The following LRP2BP variants were observed in gnomAD, a reference collection of about 807,000 sequenced individuals.
The protein encoded by LRP2BP is LRP2 binding protein, also known as LRP2-binding protein.
A neutral mutation model predicts 45.2 loss-of-function variants in LRP2BP; 38 were observed. The observed-to-expected ratio is 0.84, with a 90% CI of 0.65 to 1.10. The LOEUF (loss-of-function observed/expected upper bound fraction) is 1.10, where lower values mean the gene tolerates loss of function less well. Among genes scored for constraint, LRP2BP ranks in the 50% least tolerant of loss-of-function variants. The pLI, the probability that LRP2BP is intolerant of heterozygous loss-of-function variation, is 0.00. For synonymous variants in LRP2BP, 153 were observed against 153.9 expected (o/e 0.99, Z 0.04); for missense variants, 385 against 418.9 (o/e 0.92, Z 0.71).
chr4:185,372,822 G>A (rs1320660174), intron 7 of LRP2BP, 34 bp downstream of exon 7: 4 of 1,519,754 alleles, frequency 2.6e-6, no homozygotes, highest in Non-Finnish European at 3.6e-6. Context: ...GTGATATTCT[G>A]TTACAGCAGC....
rs530100384 is a variant in LRP2BP at position 185,394,962 on chromosome 4, A to G, written c.-205T>C. 1 of 985,476 alleles carries G rather than the reference A, an allele frequency of 1.0e-6. No individual in the cohort carries two copies. Among genetic ancestry groups the G allele is most frequent in the African/African-American group, 1.7e-5 (1 of 57,354 alleles). 61.0% of individuals were successfully genotyped at this position (985,476 alleles called of 1,614,324 possible). A position where few individuals can be genotyped will look rare whatever the true frequency, so the allele number is the denominator to read the frequency against. ...CCTGCTACACGCCTGGTGAAACTCC[A>G]GTTACTTGCCAGTAAGATATTGTCC... On this transcript the variant is annotated 5_prime_UTR_variant, in exon 1 of 9. Transcript: ENST00000505916.
At chr4:185,385,930 A>C (rs1039201466) in intron 1 of LRP2BP, among the ~76,000 whole-genome samples, 1 of 151,366 alleles carries the variant, frequency 6.6e-6, no homozygotes, top group Non-Finnish European at 1.5e-5. Context: ...TAAAGAAATA[A>C]CATCATCTTA....
At chr4:185,384,878 C>G (rs140173407) in intron 1 of LRP2BP, among the ~76,000 whole-genome samples, 2 of 151,756 alleles carry the variant, frequency 1.3e-5, no homozygotes, top group African/African-American at 4.9e-5. Context: ...CTTCCCACTC[C>G]GCCCTGCATC....
chr4:185,377,952 A>G (rs1448701907), intron 2 of LRP2BP, 129 bp downstream of exon 2: 5 of 747,374 alleles, frequency 6.7e-6, no homozygotes. Flanking sequence ...GGGAAAACTC[A>G]AAAGGACTAA....
Position 185,395,213 on chromosome 4 carries a change from A to C in LRP2BP, c.-456T>G, listed in dbSNP as rs187031817. The C allele has an allele frequency of 3.0e-6, 3 of 985,452 alleles. No homozygotes were observed. In the African/African-American group the frequency reaches 5.2e-5, roughly 17 times the overall value. 61.0% of individuals were successfully genotyped at this position (985,452 alleles called of 1,614,324 possible). On this transcript the variant is annotated 5_prime_UTR_variant, in exon 1 of 9. It adds an upstream start codon to the 5' untranslated region. Transcript: ENST00000505916. The stretch of plus-strand genomic sequence containing the variant: ...TTACGTATGTAACAGGAAGTTAAAA[A>C]ATAACTACCACTTAATGCATACTGA...
intron 1 of LRP2BP, among the ~76,000 whole-genome samples, chr4:185,384,545 C>T (rs2095464795): frequency 6.6e-6 from 1 of 151,440 alleles, no homozygotes; most frequent in African/African-American, 2.4e-5. Context: ...TTGGCCTAAT[C>T]CAATGTTGAA....
In LRP2BP at chr4:185,367,039, A is replaced by G; in HGVS notation, c.*141T>C. 1 of 767,162 alleles carries G rather than the reference A, an allele frequency of 1.3e-6. No individual in the cohort carries two copies. The highest frequency in any genetic ancestry group is 2.1e-6 in the Non-Finnish European group (1 of 469,704). 47.5% of individuals were successfully genotyped at this position (767,162 alleles called of 1,614,324 possible). Reference sequence around the variant, plus strand: ...GCAAAACTTAACAGCGTACGAATTCAAGAACGAAGTAACATGTCACCTGTA... The same window carrying G: ...GCAAAACTTAACAGCGTACGAATTCGAGAACGAAGTAACATGTCACCTGTA... On this transcript the variant is annotated 3_prime_UTR_variant, in exon 9 of 9. Coordinates refer to ENST00000505916, the MANE Select transcript of LRP2BP (RefSeq NM_001377440.1).
At position 185,370,661 on chromosome 4, in the gene LRP2BP, G is replaced by A. The variant is rs995973965; in HGVS notation, c.957C>T (p.Thr319=). Residue 319 remains threonine (T), a synonymous_variant, in exon 8 of 9, where the codon ACC becomes ACT. Coordinates refer to ENST00000505916, the MANE Select transcript of LRP2BP (RefSeq NM_001377440.1). ...LGLGITRDET[T]AKHYYSKACR... is the part of the protein sequence containing the mutation. ...TTACTTTAGAATAATAGTGTTTAGC[G>A]GTTGTTTCATCCCTGGTGATGCCCA... 31 of 1,613,844 alleles carry A rather than the reference G, an allele frequency of 1.9e-5. No individual in the cohort carries two copies. Among genetic ancestry groups the A allele is most frequent in the Middle Eastern group, 1.7e-4 (1 of 6,060 alleles).
At chr4:185,376,443 CTTT>C (rs34024562) in intron 3 of LRP2BP, among the ~76,000 whole-genome samples, 3 of 105,824 alleles carry the variant, frequency 2.8e-5, no homozygotes, top group African/African-American at 7.8e-5. Context: ...TGCCCAGCTA[CTTT>C]TTTTTTTTTT....
intron 1 of LRP2BP, among the ~76,000 whole-genome samples, chr4:185,393,529 CTTT>C (rs34881421): frequency 7.0e-6 from 1 of 142,366 alleles, no homozygotes. Context: ...TTTTCTTTTC[CTTT>C]TTTTTTTTTT....
intron 1 of LRP2BP, among the ~76,000 whole-genome samples, chr4:185,389,451 C>A (rs1199951882): frequency 2.0e-5 from 3 of 151,806 alleles, no homozygotes; most frequent in Non-Finnish European, 4.4e-5. Context: ...ACCTTGTGAT[C>A]CGCCCACCTC....
chr4:185,379,081 T>C (rs749389747), intron 1 of LRP2BP: 9 of 591,916 alleles, frequency 1.5e-5, no homozygotes, highest in Non-Finnish European at 1.9e-5. Context: ...CACTGAATTA[T>C]CTTTGTGATT....
At chr4:185,387,896 G>GA (rs369204447) in intron 1 of LRP2BP, among the ~76,000 whole-genome samples, 2 of 152,210 alleles carry the variant, frequency 1.3e-5, no homozygotes, top group African/African-American at 4.8e-5. Context: ...GGCAGGGGTG[G>GA]AATGAAGGCC....
rs184446611 is a variant in LRP2BP, at chr4:185,393,645, C to T, written c.-22+1134G>A. 4.3e-4 allele frequency among the ~76,000 whole-genome samples: 66 copies of T among 152,090 alleles called. No individual in the cohort carries two copies. The East Asian group carries it at 0.01, about 24-fold the overall frequency. ...GGTTCAGGCGATTCTCCTGCCTCAG[C>T]CTCCGGAGTAACTGGGATTACAGGC... On this transcript the variant is annotated intron_variant, in intron 1 of 8. Transcript: ENST00000505916.
In LRP2BP at chr4:185,388,517, T is replaced by C. The variant is rs539301574; in HGVS notation, c.-22+6262A>G. Among the ~76,000 whole-genome samples, 241 of 130,588 alleles carry C rather than the reference T, an allele frequency of 1.8e-3. 1 individual carries two copies. The highest frequency in any genetic ancestry group is 3.1e-3 in the Non-Finnish European group (195 of 62,014). 85.7% of individuals were successfully genotyped at this position (130,588 alleles called of 152,430 possible). A position where few individuals can be genotyped will look rare whatever the true frequency, so the allele number is the denominator to read the frequency against. On this transcript the variant is annotated intron_variant, in intron 1 of 8. Transcript: ENST00000505916. ...CTATCAGGCCTACCTAGGCTATCTATCTACCTACCTATCTATCTATCTAGG... is the reference window on the plus strand; with the variant it reads ...CTATCAGGCCTACCTAGGCTATCTACCTACCTACCTATCTATCTATCTAGG...
chr4:185,370,518 G>T, intron 8 of LRP2BP, 122 bp downstream of exon 8: 2 of 960,164 alleles, frequency 2.1e-6, no homozygotes, highest in South Asian at 1.7e-5. Context: ...CTTCTCTGTA[G>T]ACAGAGGTTA....
intron 8 of LRP2BP, chr4:185,370,091 C>T (rs2095410024): frequency 6.1e-6 from 1 of 164,856 alleles, no homozygotes; most frequent in East Asian, 1.7e-4. Context: ...CTCCCTTACA[C>T]CCCCTCCACT....
At chr4:185,385,410 A>T (rs1392007885) in intron 1 of LRP2BP, among the ~76,000 whole-genome samples, 1 of 152,222 alleles carries the variant, frequency 6.6e-6, no homozygotes, top group Non-Finnish European at 1.5e-5. Flanking sequence ...CATAAAAAGA[A>T]TTGACAAAAT....
intron 4 of LRP2BP, 126 bp downstream of exon 4, chr4:185,375,487 A>AATATAAATATATATAT (rs2095431484): frequency 3.3e-4 from 4 of 12,016 alleles, no homozygotes; most frequent in South Asian, 5.6e-3. Flanking sequence ...AAAAAAAAAA[A>AATATAAATATATATAT]ATATATATAT....
Sources: gnomAD v4.1 joint callset for allele counts (sites outside exome capture counted in the v4.1 genomes callset) on GRCh38, gnomAD v4.1.1 for gene constraint, MANE v1.5 for transcripts, NCBI Gene and HGNC (gene_info 2026-07-23, HGNC 2026-07-21) for gene names.